DAB1: variants seen among roughly 807,000 people sequenced by gnomAD.
DAB1 encodes disabled homolog 1.
DAB1 carries 15 observed loss-of-function variants against 64.6 expected under a neutral mutation model. The ratio of observed to expected loss-of-function variants is 0.23; its 90% confidence interval spans 0.16 to 0.36. The LOEUF (loss-of-function observed/expected upper bound fraction) is 0.36, where lower values mean the gene tolerates loss of function less well. Ranked by LOEUF, DAB1 falls within the 10% of genes least tolerant of loss-of-function variation. The pLI is 1.00. For synonymous variants in DAB1, 235 were observed against 251.9 expected, an observed-to-expected ratio of 0.93 and a Z score of 0.64; for missense variants, 596 against 706.7, an observed-to-expected ratio of 0.84 and a Z score of 1.78.
intron 4 of DAB1, among the ~76,000 whole-genome samples, chr1:58,305,241 T>C (rs1033152732): frequency 1.3e-5 from 2 of 152,186 alleles, no homozygotes; most frequent in Non-Finnish European, 2.9e-5. Flanking sequence ...AAAAAATAAG[T>C]GTTCTTTGAA....
intron 5 of DAB1, among the ~76,000 whole-genome samples, chr1:58,145,292 C>A (rs1340500374): frequency 6.6e-6 from 1 of 152,192 alleles, no homozygotes; most frequent in East Asian, 1.9e-4. Flanking sequence ...CAGTGCCCTG[C>A]AATGTGCCTG....
chr1:58,257,630 G>A (rs555675619), intron 4 of DAB1, among the ~76,000 whole-genome samples: 7 of 152,120 alleles, frequency 4.6e-5, no homozygotes, highest in Non-Finnish European at 1.0e-4. Flanking sequence ...CCCCACTAAG[G>A]TCATTAAAAT....
chr1:58,519,412 T>C (rs1011100647), intron 2 of DAB1, among the ~76,000 whole-genome samples: 1 of 152,124 alleles, frequency 6.6e-6, no homozygotes. Flanking sequence ...AAGGCCAATA[T>C]ATATTCTATG....
chr1:57,649,050 A>T (rs1225526199), intron 7 of DAB1, among the ~76,000 whole-genome samples: 2 of 152,230 alleles, frequency 1.3e-5, no homozygotes, highest in African/African-American at 4.8e-5. Flanking sequence ...GGTTGCCATC[A>T]TTTAAAAGTT....
intron 3 of DAB1, among the ~76,000 whole-genome samples, chr1:58,487,602 G>A (rs906667335): frequency 2.0e-5 from 3 of 151,998 alleles, no homozygotes; most frequent in Non-Finnish European, 2.9e-5. Flanking sequence ...AGGGCTAGGC[G>A]TCCTTTTCTT....
chr1:57,926,041 G>A (rs1307036518), intron 5 of DAB1, among the ~76,000 whole-genome samples: 1 of 152,160 alleles, frequency 6.6e-6, no homozygotes, highest in Non-Finnish European at 1.5e-5. Context: ...TACATTACAC[G>A]ATGTGATAGC....
intron 7 of DAB1, among the ~76,000 whole-genome samples, chr1:57,510,533 C>T (rs911053658): frequency 3.9e-5 from 6 of 152,208 alleles, no homozygotes; most frequent in Admixed American, 1.3e-4. Flanking sequence ...GCACAGACCC[C>T]GAGCTCTAAA....
chr1:58,308,145 T>G (rs764044149), intron 4 of DAB1, among the ~76,000 whole-genome samples: 55 of 152,118 alleles, frequency 3.6e-4, no homozygotes, highest in Non-Finnish European at 6.5e-4. Context: ...CAGGGTGAGA[T>G]TCAGGGCTGC....
intron 4 of DAB1, among the ~76,000 whole-genome samples, chr1:58,288,036 A>G (rs896834016): frequency 8.1e-5 from 12 of 147,314 alleles, no homozygotes; most frequent in African/African-American, 1.7e-4. Flanking sequence ...AAAAAAAAAA[A>G]AAAAAAAAAG....
chr1:57,246,723 C>T (rs370070225), intron 2 of DAB1, among the ~76,000 whole-genome samples: 19 of 152,194 alleles, frequency 1.2e-4, no homozygotes, highest in African/African-American at 1.9e-4. Flanking sequence ...AGAGCAACCT[C>T]GGGGGCTATA....
At chr1:58,265,287 GTC>G (rs1661134770) in intron 4 of DAB1, among the ~76,000 whole-genome samples, 1 of 152,186 alleles carries the variant, frequency 6.6e-6, no homozygotes, top group Non-Finnish European at 1.5e-5. Flanking sequence ...TCCCAGATTG[GTC>G]TAAAGGCAAA....
At chr1:57,503,907 G>C (rs564275955) in intron 7 of DAB1, among the ~76,000 whole-genome samples, 1 of 152,274 alleles carries the variant, frequency 6.6e-6, no homozygotes, top group East Asian at 1.9e-4. Flanking sequence ...CTGGGTTGCA[G>C]GGGGGTCTTA....
At chr1:58,042,817 A>C (rs1647157345) in intron 5 of DAB1, among the ~76,000 whole-genome samples, 1 of 152,224 alleles carries the variant, frequency 6.6e-6, no homozygotes, top group African/African-American at 2.4e-5. Context: ...TCTTGAAGGC[A>C]AGGGGCACCA....
intron 4 of DAB1, among the ~76,000 whole-genome samples, chr1:58,228,005 G>A (rs1281831321): frequency 2.0e-5 from 3 of 152,162 alleles, no homozygotes; most frequent in African/African-American, 7.2e-5. Flanking sequence ...CCAAGAAAGT[G>A]GACTCCCTGA....
chr1:58,379,311 T>G (rs1358508782), intron 3 of DAB1, among the ~76,000 whole-genome samples: 1 of 152,250 alleles, frequency 6.6e-6, no homozygotes, highest in Non-Finnish European at 1.5e-5. Context: ...AAATCAATAA[T>G]TTTTAAATCA....
At chr1:57,909,281 T>A (rs1260067682) in intron 5 of DAB1, among the ~76,000 whole-genome samples, 1 of 152,198 alleles carries the variant, frequency 6.6e-6, no homozygotes. Context: ...ATTTTAATGA[T>A]CTTTAAGGTT....
chr1:57,636,472 A>T (rs1472584413), intron 7 of DAB1, among the ~76,000 whole-genome samples: 1 of 152,228 alleles, frequency 6.6e-6, no homozygotes, highest in Non-Finnish European at 1.5e-5. Context: ...TCTTGTGTGT[A>T]AAATATGGGC....
At chr1:57,565,526 C>T (rs1220253743) in intron 7 of DAB1, among the ~76,000 whole-genome samples, 1 of 152,094 alleles carries the variant, frequency 6.6e-6, no homozygotes, top group Admixed American at 6.6e-5. Context: ...ATTCTGGAGA[C>T]CCATCTCACG....
intron 4 of DAB1, among the ~76,000 whole-genome samples, chr1:58,214,546 G>A (rs1209057916): frequency 1.3e-5 from 2 of 152,138 alleles, no homozygotes; most frequent in Non-Finnish European, 2.9e-5. Flanking sequence ...TGGACATCTG[G>A]TGAAATGAGT....
Sources: gnomAD v4.1 joint callset for allele counts (sites outside exome capture counted in the v4.1 genomes callset) on GRCh38, gnomAD v4.1.1 for gene constraint, MANE v1.5 for transcripts, NCBI Gene and HGNC (gene_info 2026-07-23, HGNC 2026-07-21) for gene names.